CALN1: variants seen among roughly 807,000 people sequenced by gnomAD.
CALN1 encodes the protein calcium-binding protein 8.
In CALN1, 17 loss-of-function variants were observed where a neutral mutation model predicts 30.6. The ratio of observed to expected loss-of-function variants is 0.56; its 90% CI spans 0.38 to 0.83. CALN1 has a LOEUF of 0.83. Ranked by LOEUF, CALN1 falls within the 40% of genes least tolerant of loss-of-function variation. The pLI, the probability that CALN1 is intolerant of heterozygous loss-of-function variation, is 0.00. For synonymous variants in CALN1, 156 were observed against 131.4 expected, an observed-to-expected ratio of 1.19 and a Z score of -1.28; for missense variants, 291 against 354.9, an observed-to-expected ratio of 0.82 and a Z score of 1.45.
intron 2 of CALN1, among the ~76,000 whole-genome samples, chr7:72,285,756 A>T (rs1798042462): frequency 1.3e-5 from 2 of 152,314 alleles, no homozygotes; most frequent in South Asian, 4.1e-4. Flanking sequence ...AGAGCTTAAG[A>T]TTTCTTAAAA....
the CALN1 span, among the ~76,000 whole-genome samples, chr7:72,453,993 A>AAAAAAAAAATATATAT: frequency 6.8e-5 from 10 of 148,138 alleles, no homozygotes; most frequent in African/African-American, 2.5e-4. Context: ...ACAACCAAAA[A>AAAAAAAAAATATATAT]ATATATATAT....
At chr7:72,366,688 T>C (rs1010155943) in intron 2 of CALN1, among the ~76,000 whole-genome samples, 1 of 152,162 alleles carries the variant, frequency 6.6e-6, no homozygotes, top group Non-Finnish European at 1.5e-5. Context: ...ATATTATTAA[T>C]TGACATGAAA....
chr7:71,969,911 G>A (rs992968793), intron 5 of CALN1, among the ~76,000 whole-genome samples: 2 of 150,872 alleles, frequency 1.3e-5, no homozygotes, highest in Non-Finnish European at 2.9e-5. Context: ...TGCAACCTCT[G>A]CCTCCTGGGC....
intron 5 of CALN1, among the ~76,000 whole-genome samples, chr7:71,886,877 A>C (rs981183491): frequency 6.6e-6 from 1 of 152,244 alleles, no homozygotes; most frequent in African/African-American, 2.4e-5. Context: ...AAGAATTCAC[A>C]TTCTACTGGG....
intron 4 of CALN1, among the ~76,000 whole-genome samples, chr7:72,099,068 C>G (rs565553119): frequency 6.6e-6 from 1 of 152,132 alleles, no homozygotes; most frequent in Non-Finnish European, 1.5e-5. Context: ...GGCCTCGTGC[C>G]GAAGGTATGA....
chr7:71,853,631 G>T (rs961950230), intron 5 of CALN1, among the ~76,000 whole-genome samples: 13 of 151,826 alleles, frequency 8.6e-5, no homozygotes, highest in African/African-American at 2.9e-4. Flanking sequence ...CCAGGCTGGA[G>T]TGCAGTGGCA....
At chr7:72,484,677 A>G in the CALN1 span, among the ~76,000 whole-genome samples, 1 of 151,992 alleles carries the variant, frequency 6.6e-6, no homozygotes, top group Admixed American at 6.6e-5. Context: ...AGCCACCTTC[A>G]TCTCCCCAGA....
chr7:72,351,014 A>AG (rs1359606891), intron 2 of CALN1, among the ~76,000 whole-genome samples: 2 of 152,082 alleles, frequency 1.3e-5, no homozygotes, highest in Non-Finnish European at 2.9e-5. Flanking sequence ...GGTGGCAGGC[A>AG]CCTATAAACC....
chr7:72,188,822 G>T (rs188533467), intron 3 of CALN1, among the ~76,000 whole-genome samples: 1 of 152,252 alleles, frequency 6.6e-6, no homozygotes, highest in Non-Finnish European at 1.5e-5. Context: ...GTGTGTGTCC[G>T]TCTTTCTCCC....
intron 5 of CALN1, among the ~76,000 whole-genome samples, chr7:71,828,598 C>T (rs539612892): frequency 5.3e-5 from 8 of 151,920 alleles, no homozygotes; most frequent in Non-Finnish European, 8.8e-5. Flanking sequence ...GACCTAGAAG[C>T]TCCCTCCCTG....
intron 4 of CALN1, among the ~76,000 whole-genome samples, chr7:72,040,928 G>A (rs897319963): frequency 2.0e-5 from 3 of 152,172 alleles, no homozygotes; most frequent in African/African-American, 4.8e-5. Context: ...CCAGGTCTGT[G>A]GTATCTTGGT....
intron 2 of CALN1, among the ~76,000 whole-genome samples, chr7:72,290,474 C>T (rs1798402701): frequency 6.6e-6 from 1 of 152,132 alleles, no homozygotes; most frequent in Non-Finnish European, 1.5e-5. Flanking sequence ...AGCAACTCTC[C>T]TGGAGAGTTG....
intron 3 of CALN1, among the ~76,000 whole-genome samples, chr7:72,244,872 C>A (rs1267598634): frequency 6.6e-6 from 1 of 152,080 alleles, no homozygotes; most frequent in African/African-American, 2.4e-5. Flanking sequence ...AGAGGAAAAG[C>A]AAATTCCAAT....
chr7:72,249,981 A>C (rs1466830070), intron 3 of CALN1, among the ~76,000 whole-genome samples: 1 of 149,208 alleles, frequency 6.7e-6, no homozygotes, highest in Non-Finnish European at 1.5e-5. Flanking sequence ...GAGAGAGAGA[A>C]ATAGACCCTC....
intron 3 of CALN1, among the ~76,000 whole-genome samples, chr7:72,114,326 T>G (rs1807814289): frequency 1.6e-5 from 2 of 126,580 alleles, no homozygotes; most frequent in Admixed American, 8.7e-5. Flanking sequence ...ACACTGTAGT[T>G]TACGTGATGG....
chr7:71,973,764 C>A (rs900308945), intron 5 of CALN1, among the ~76,000 whole-genome samples: 1 of 151,994 alleles, frequency 6.6e-6, no homozygotes, highest in Non-Finnish European at 1.5e-5. Flanking sequence ...AGCTCCCTTG[C>A]CAAACAAAGG....
chr7:72,408,087 T>C (rs573616880), intron 1 of CALN1, among the ~76,000 whole-genome samples: 2 of 152,104 alleles, frequency 1.3e-5, no homozygotes, highest in African/African-American at 4.8e-5. Context: ...AAACATATAT[T>C]GAACACACAT....
At position 72,283,515 on chromosome 7, in the gene CALN1, A is replaced by G. The variant is rs376012529; in HGVS notation, c.120-4705T>C. Reference sequence around the variant, plus strand: ...CCACCACTGTACTCCAGCCTGAGTGACAGAGCAAGACTCTTGACTCTAAAA... The same window carrying G: ...CCACCACTGTACTCCAGCCTGAGTGGCAGAGCAAGACTCTTGACTCTAAAA... On this transcript the variant is annotated intron_variant, in intron 2 of 6. Transcript: ENST00000395275. Among the ~76,000 whole-genome samples the G allele has an allele frequency of 2.9e-4, 30 of 102,218 alleles. No homozygotes were observed. In the South Asian group the frequency reaches 0.014, roughly 48 times the overall value. 67.1% of individuals were successfully genotyped at this position (102,218 alleles called of 152,430 possible).
chr7:71,994,511 CAAA>C (rs367725464), intron 5 of CALN1, among the ~76,000 whole-genome samples: 2 of 44,054 alleles, frequency 4.5e-5, no homozygotes, highest in African/African-American at 8.5e-5. Flanking sequence ...GACTTCATCT[CAAA>C]AAAAAAAAAA....
Sources: allele counts gnomAD v4.1 joint callset (sites outside exome capture counted in the v4.1 genomes callset), GRCh38; gene constraint gnomAD v4.1.1; transcripts MANE v1.5; gene names NCBI Gene and HGNC (gene_info 2026-07-23, HGNC 2026-07-21).